The following SGPL1 variants were observed in gnomAD, a reference collection of about 807,000 sequenced individuals.
SGPL1 encodes SP-lyase 1.
Under a neutral mutation model 68.9 loss-of-function variants are expected in SGPL1, and 37 were observed. That is an observed-to-expected ratio of 0.54 (90% CI 0.41 to 0.71). SGPL1 has a LOEUF of 0.71. SGPL1 is among the 30% of genes least tolerant of loss of function. The pLI, the probability that SGPL1 is intolerant of heterozygous loss-of-function variation, is 0.00. For synonymous variants in SGPL1, 236 were observed against 248.5 expected (o/e 0.95, Z 0.47); for missense variants, 551 against 704.6 (o/e 0.78, Z 2.47).
In SGPL1 at chr10:70,871,860, C is replaced by T. The variant is rs2131943601; in HGVS notation, c.933C>T (p.Pro311=). ...VAKLAVKYKI[P]LHVDACLGGF... is the part of the protein sequence containing the mutation. ...AGCTGGCTGTCAAATACAAAATACCCCTTCATGTCGACGCTTGTCTGGGAG... is the reference window on the plus strand; with the variant it reads ...AGCTGGCTGTCAAATACAAAATACCTCTTCATGTCGACGCTTGTCTGGGAG... The change falls in exon 11 of 15, where the codon CCC becomes CCT. Residue 311 remains proline, a synonymous_variant. Transcript: ENST00000373202. The T allele has an allele frequency of 1.2e-6, 2 of 1,613,946 alleles. No homozygotes were observed. Among genetic ancestry groups the T allele is most frequent in the East Asian group, 2.2e-5 (1 of 44,880 alleles).
intron 2 of SGPL1, among the ~76,000 whole-genome samples, chr10:70,843,374 C>T (rs1303187721): frequency 6.6e-6 from 1 of 152,178 alleles, no homozygotes; most frequent in Non-Finnish European, 1.5e-5. Flanking sequence ...CTGCCTTCAA[C>T]CCTGGAGATG....
rs1324665366 is a variant in SGPL1, at chr10:70,868,143, G to A, written c.616-202G>A. Among the ~76,000 whole-genome samples the A allele has an allele frequency of 2.4e-4, 37 of 152,244 alleles. 1 individual carries two copies. The highest frequency in any genetic ancestry group is 2.4e-3 in the Admixed American group (37 of 15,284). ...GTGCTGAGTTTCTGCTCATTATTTA[G>A]TAGCTTTCATTCTTCACCTGAGCCA... On this transcript the variant is annotated intron_variant, in intron 7 of 14. Coordinates refer to ENST00000373202, the MANE Select transcript of SGPL1 (RefSeq NM_003901.4).
intron 2 of SGPL1, among the ~76,000 whole-genome samples, chr10:70,827,560 G>A (rs1253633049): frequency 6.6e-6 from 1 of 152,134 alleles, no homozygotes; most frequent in Non-Finnish European, 1.5e-5. Flanking sequence ...TTGCCTGTTA[G>A]TATAGGCAGA....
chr10:70,840,217 G>T (rs916859784), intron 2 of SGPL1, among the ~76,000 whole-genome samples: 40 of 152,096 alleles, frequency 2.6e-4, no homozygotes, highest in African/African-American at 8.9e-4. Context: ...TGAGTCAAAA[G>T]GCATGCGTTC....
intron 2 of SGPL1, among the ~76,000 whole-genome samples, chr10:70,825,114 G>A (rs1589447652): frequency 1.3e-5 from 2 of 151,936 alleles, no homozygotes; most frequent in East Asian, 3.9e-4. Context: ...ACACTCTTAA[G>A]CCTGTGAGAG....
In SGPL1 at chr10:70,877,358, A is replaced by T; in HGVS notation, c.*23A>T. 6.2e-7 allele frequency: 1 copy of T among 1,613,326 alleles called. No individual in the cohort carries two copies. Among genetic ancestry groups the T allele is most frequent in the Non-Finnish European group, 8.5e-7 (1 of 1,179,284 alleles). On this transcript the variant is annotated 3_prime_UTR_variant, in exon 15 of 15. Coordinates refer to ENST00000373202, the MANE Select transcript of SGPL1 (RefSeq NM_003901.4). Reference sequence around the variant, plus strand: ...TGAACTTGGACCCTTTCTAGTCTCAAGGGGATTCCAGCCTTCAGAAGGTTC... The same window carrying T: ...TGAACTTGGACCCTTTCTAGTCTCATGGGGATTCCAGCCTTCAGAAGGTTC...
intron 2 of SGPL1, among the ~76,000 whole-genome samples, chr10:70,842,104 T>G (rs992177775): frequency 5.9e-5 from 9 of 152,168 alleles, no homozygotes; most frequent in Admixed American, 2.6e-4. Context: ...TAGATCTGTC[T>G]TCTTCTTAAT....
At chr10:70,835,735 C>CAAAA (rs66962270) in intron 2 of SGPL1, among the ~76,000 whole-genome samples, 1 of 70,126 alleles carries the variant, frequency 1.4e-5, no homozygotes, top group Non-Finnish European at 2.7e-5. Context: ...GACTCCGTCT[C>CAAAA]AAAAAAAAAA....
chr10:70,847,672 C>T (rs1359156965), intron 3 of SGPL1, among the ~76,000 whole-genome samples: 1 of 152,096 alleles, frequency 6.6e-6, no homozygotes, highest in Non-Finnish European at 1.5e-5. Flanking sequence ...CAATTTAGCA[C>T]ATACACACAC....
chr10:70,849,973 G>C (rs567633049), intron 3 of SGPL1, among the ~76,000 whole-genome samples: 1 of 152,132 alleles, frequency 6.6e-6, no homozygotes, highest in Non-Finnish European at 1.5e-5. Flanking sequence ...TATGTCACTC[G>C]TAGATGGTAT....
At chr10:70,828,489 A>G (rs1457500446) in intron 2 of SGPL1, among the ~76,000 whole-genome samples, 1 of 152,152 alleles carries the variant, frequency 6.6e-6, no homozygotes. Context: ...CACTGTACCC[A>G]GCCTGTACAA....
At position 70,875,528 on chromosome 10, in the gene SGPL1, C is replaced by T. The variant is rs1276995720; in HGVS notation, c.1425C>T (p.Asn475=). ...TGACTGCTAAGGGGTGGAACTTGAA[C>T]CAGTTGCAGTTCCCACCCAGGTAAG... is the stretch of plus-strand genomic sequence containing the variant. ...NLMTAKGWNL[N]QLQFPPSIHF... Residue 475 remains asparagine (N), a synonymous_variant, in exon 13 of 15, where the codon AAC becomes AAT. Transcript: ENST00000373202. The T allele has an allele frequency of 1.1e-5, 18 of 1,610,856 alleles. No individual in the cohort carries two copies. The highest frequency in any genetic ancestry group is 1.4e-5 in the Non-Finnish European group (16 of 1,178,364).
chr10:70,858,629 T>A lies in SGPL1; in HGVS notation c.487-742T>A, dbSNP rs188128640. Among the ~76,000 whole-genome samples, 10 of 152,360 alleles carry A rather than the reference T, an allele frequency of 6.6e-5. 1 individual carries two copies. The East Asian group carries it at 1.5e-3, about 23-fold the overall frequency. On this transcript the variant is annotated intron_variant, in intron 6 of 14. Coordinates refer to ENST00000373202, the MANE Select transcript of SGPL1 (RefSeq NM_003901.4). ...AATCTTTCAGTAGCTTCCCATTATC[T>A]ACAGGATGAAACTCAGGTTCTTATG...
At chr10:70,819,322 CT>C (rs1160755803) in intron 2 of SGPL1, among the ~76,000 whole-genome samples, 1 of 152,206 alleles carries the variant, frequency 6.6e-6, no homozygotes, top group African/African-American at 2.4e-5. Context: ...GCAGTCATCA[CT>C]TTCTGAAGAC....
chr10:70,844,538 T>C lies in SGPL1; in HGVS notation c.93T>C (p.Asn31=). 6.2e-7 allele frequency: 1 copy of C among 1,614,140 alleles called. No homozygotes were observed. The highest frequency in any genetic ancestry group is 8.5e-7 in the Non-Finnish European group (1 of 1,179,990). ...CCACAAAAGCCAAGAATTATGTAAA[T>C]GGACATTGCACCAAGTATGAGCCCT... ...VYSTKAKNYV[N]GHCTKYEPWQ... The change falls in exon 3 of 15, where the codon AAT becomes AAC. Residue 31 remains asparagine (N), a synonymous_variant. Transcript: ENST00000373202.
At chr10:70,877,173 G>A (rs1846404988) in intron 14 of SGPL1, 22 bp from the exon 15 acceptor site, 1 of 1,613,398 alleles carries the variant, frequency 6.2e-7, no homozygotes, top group African/African-American at 1.3e-5. Context: ...CACTAATAAT[G>A]TCTCTTTCTT....
At position 70,880,564 on chromosome 10, in the gene SGPL1, G is replaced by A. The variant is rs1320038748; in HGVS notation, c.*3229G>A. 2.0e-5 allele frequency: 3 copies of A among 152,056 alleles called. No homozygotes were observed. Among genetic ancestry groups the A allele is most frequent in the Non-Finnish European group, 2.9e-5 (2 of 68,014 alleles). 9.4% of individuals were successfully genotyped at this position (152,056 alleles called of 1,614,324 possible). A position where few individuals can be genotyped will look rare whatever the true frequency, so the allele number is the denominator to read the frequency against. ...CCTCAAACCCTGCATTTGGTTTAGGGGCTAACAGAGCTCCTCAGATAATCT... is the reference window on the plus strand; with the variant it reads ...CCTCAAACCCTGCATTTGGTTTAGGAGCTAACAGAGCTCCTCAGATAATCT... On this transcript the variant is annotated 3_prime_UTR_variant, in exon 15 of 15. Coordinates refer to ENST00000373202, the MANE Select transcript of SGPL1 (RefSeq NM_003901.4).
chr10:70,855,971 G>T (rs896674926), intron 5 of SGPL1, among the ~76,000 whole-genome samples: 4 of 151,548 alleles, frequency 2.6e-5, no homozygotes, highest in Non-Finnish European at 5.9e-5. Context: ...CCAACCAGGA[G>T]CCATGTTGCA....
chr10:70,870,230 G>A (rs1292348772), intron 9 of SGPL1, among the ~76,000 whole-genome samples: 1 of 152,112 alleles, frequency 6.6e-6, no homozygotes, highest in Non-Finnish European at 1.5e-5. Flanking sequence ...GGGCATGGTG[G>A]CTCACATCTG....
Sources: gnomAD v4.1 joint callset for allele counts (sites outside exome capture counted in the v4.1 genomes callset) on GRCh38, gnomAD v4.1.1 for gene constraint, MANE v1.5 for transcripts, NCBI Gene and HGNC (gene_info 2026-07-23, HGNC 2026-07-21) for gene names.